Variants in PPP2R2D observed in about 807,000 individuals in gnomAD.
PPP2R2D encodes protein phosphatase 2 regulatory subunit Bdelta.
A neutral mutation model predicts 31.1 loss-of-function variants in PPP2R2D; 9 were observed. The observed-to-expected ratio is 0.29, with a 90% CI of 0.17 to 0.51. The LOEUF (loss-of-function observed/expected upper bound fraction) is 0.51. Ranked by LOEUF, PPP2R2D falls within the 20% of genes least tolerant of loss-of-function variation. The pLI, the probability that PPP2R2D is intolerant of heterozygous loss-of-function variation, is 0.98. For missense variants in PPP2R2D, 391 were observed against 465.6 expected (o/e 0.84, Z 1.48); for synonymous variants, 179 against 172.6 (o/e 1.04, Z -0.29).
At chr10:131,916,238 C>T (rs188468782) in intron 2 of PPP2R2D, among the ~76,000 whole-genome samples, 10 of 151,912 alleles carry the variant, frequency 6.6e-5, no homozygotes, top group African/African-American at 2.2e-4. Flanking sequence ...CTGTGGAGTT[C>T]GCATCTATAT....
At chr10:131,941,344 G>A in intron 5 of PPP2R2D, among the ~76,000 whole-genome samples, 1 of 152,218 alleles carries the variant, frequency 6.6e-6, no homozygotes, top group East Asian at 1.9e-4. Context: ...TTGGCCTGGT[G>A]CTACGCACCA....
At chr10:131,940,911 AAC>A (rs1423628565) in intron 5 of PPP2R2D, 13 of 477,760 alleles carry the variant, frequency 2.7e-5, no homozygotes, top group South Asian at 1.0e-4. Context: ...GTCCTTAGGA[AAC>A]ACAGCAATAC....
chr10:131,925,183 A>C (rs1554894736), intron 2 of PPP2R2D, among the ~76,000 whole-genome samples: 25 of 152,106 alleles, frequency 1.6e-4, no homozygotes, highest in Non-Finnish European at 4.4e-5. Flanking sequence ...TTTCCAGTAG[A>C]ATGTTTACTA....
the PPP2R2D span, chr10:131,968,932 C>G: frequency 5.4e-6 from 1 of 186,660 alleles, no homozygotes; most frequent in South Asian, 1.1e-4. Flanking sequence ...CCAAAGCCAA[C>G]TGCTTAAAAA....
At chr10:131,910,225 C>G (rs1335434274) in intron 2 of PPP2R2D, among the ~76,000 whole-genome samples, 3 of 152,074 alleles carry the variant, frequency 2.0e-5, no homozygotes, top group Non-Finnish European at 4.4e-5. Context: ...CAGAGTGGGT[C>G]TTTTGCTCAT....
chr10:131,965,788 G>C, the PPP2R2D span, among the ~76,000 whole-genome samples: 6 of 152,156 alleles, frequency 3.9e-5, no homozygotes, highest in African/African-American at 1.4e-4. Flanking sequence ...GTTTCAAGGA[G>C]CTGCTTCCAA....
chr10:131,920,354 C>T (rs1224055571), intron 2 of PPP2R2D, among the ~76,000 whole-genome samples: 1 of 127,362 alleles, frequency 7.9e-6, no homozygotes, highest in Non-Finnish European at 1.6e-5. Context: ...GGACCTCAGG[C>T]AGGTGGAATG....
chr10:131,908,504 G>A (rs1302676952), intron 2 of PPP2R2D, among the ~76,000 whole-genome samples: 4 of 152,264 alleles, frequency 2.6e-5, no homozygotes, highest in African/African-American at 9.6e-5. Context: ...TGTATTATTA[G>A]GCTCGTCTCT....
chr10:131,939,610 G>C (rs2036404346), intron 3 of PPP2R2D, among the ~76,000 whole-genome samples: 1 of 150,272 alleles, frequency 6.7e-6, no homozygotes, highest in Non-Finnish European at 1.5e-5. Flanking sequence ...GCGTTTGGCA[G>C]ACCTGCTTCA....
chr10:131,909,308 G>A (rs2119729959), intron 2 of PPP2R2D, among the ~76,000 whole-genome samples: 1 of 152,312 alleles, frequency 6.6e-6, no homozygotes, highest in South Asian at 2.1e-4. Flanking sequence ...GTGATTGTGA[G>A]CTTTTCAGAT....
chr10:131,913,153 G>A (rs2035711586), intron 2 of PPP2R2D, among the ~76,000 whole-genome samples: 4 of 150,756 alleles, frequency 2.7e-5, no homozygotes, highest in African/African-American at 9.8e-5. Context: ...CTCCCGAGGT[G>A]TGATTACAGG....
At chr10:131,912,851 G>A (rs1368193658) in intron 2 of PPP2R2D, among the ~76,000 whole-genome samples, 1 of 152,226 alleles carries the variant, frequency 6.6e-6, no homozygotes, top group African/African-American at 2.4e-5. Flanking sequence ...GTGCAGGAGA[G>A]TCTCGTCCAT....
downstream of PPP2R2D, among the ~76,000 whole-genome samples, chr10:131,963,295 G>A (rs2036945510): frequency 6.6e-6 from 1 of 152,206 alleles, no homozygotes; most frequent in East Asian, 1.9e-4. Flanking sequence ...TGTAACCCTG[G>A]TTCTTACTAG....
At chr10:131,903,594 T>A (rs2035536221) in intron 2 of PPP2R2D, among the ~76,000 whole-genome samples, 1 of 152,234 alleles carries the variant, frequency 6.6e-6, no homozygotes, top group Non-Finnish European at 1.5e-5. Context: ...AGTTTGGTAT[T>A]TCGAGTTGTC....
chr10:131,945,700 C>G lies in PPP2R2D; in HGVS notation c.820+241C>G, dbSNP rs2036525477. On this transcript the variant is annotated intron_variant, in intron 7 of 8. Coordinates refer to ENST00000455566, the MANE Select transcript of PPP2R2D (RefSeq NM_018461.5). This position sits in a 1 kb window ranked among gnomAD's most constrained non-coding sequence, Gnocchi z 4.8. ...GTCTGACCTCAGGTGATCCCCCTACCTCGGCCTCCCAAAGTGCTGGGATTA... is the reference window on the plus strand; with the variant it reads ...GTCTGACCTCAGGTGATCCCCCTACGTCGGCCTCCCAAAGTGCTGGGATTA... 2.1e-6 allele frequency: 1 copy of G among 468,244 alleles called. No individual in the cohort carries two copies. Among genetic ancestry groups the G allele is most frequent in the Non-Finnish European group, 3.8e-6 (1 of 264,136 alleles). 29.0% of individuals were successfully genotyped at this position (468,244 alleles called of 1,614,324 possible).
chr10:131,913,128 T>C (rs2035711049), intron 2 of PPP2R2D, among the ~76,000 whole-genome samples: 2 of 151,420 alleles, frequency 1.3e-5, no homozygotes, highest in Admixed American at 6.6e-5. Context: ...GTTCAAACGG[T>C]TCTCCTGCCT....
chr10:131,921,269 C>T (rs933890037), intron 2 of PPP2R2D, among the ~76,000 whole-genome samples: 5 of 152,188 alleles, frequency 3.3e-5, no homozygotes, highest in Admixed American at 6.5e-5. Flanking sequence ...GCTTTGCTGA[C>T]GTGCAGGGAG....
chr10:131,904,552 G>T (rs1419361429), intron 2 of PPP2R2D, among the ~76,000 whole-genome samples: 1 of 152,138 alleles, frequency 6.6e-6, no homozygotes, highest in African/African-American at 2.4e-5. Flanking sequence ...GGTTTTTATC[G>T]TGCACTGCTG....
chr10:131,918,754 G>C (rs529287253), intron 2 of PPP2R2D, among the ~76,000 whole-genome samples: 171 of 146,680 alleles, frequency 1.2e-3, no homozygotes, highest in African/African-American at 4.1e-3. Context: ...GTGTTTGTAG[G>C]GACCTCACAC....
Sources: gnomAD v4.1 joint callset for allele counts (sites outside exome capture counted in the v4.1 genomes callset) on GRCh38, gnomAD v4.1.1 for gene constraint, Gnocchi (gnomAD v3.1) non-coding constraint, MANE v1.5 for transcripts, NCBI Gene and HGNC (gene_info 2026-07-23, HGNC 2026-07-21) for gene names.